AIF1L: variants seen among roughly 807,000 people sequenced by gnomAD.
AIF1L encodes the protein allograft inflammatory factor 1-like.
AIF1L carries 12 observed loss-of-function variants against 20.7 expected under a neutral mutation model. The observed-to-expected ratio is 0.58, with a 90% CI of 0.37 to 0.94. AIF1L has a LOEUF of 0.94. Among genes scored for constraint, AIF1L ranks in the 40% least tolerant of loss-of-function variants. AIF1L has a pLI of 0.01. For synonymous variants in AIF1L, 76 were observed against 65.1 expected, an observed-to-expected ratio of 1.17 and a Z score of -0.81; for missense variants, 173 against 185.3, an observed-to-expected ratio of 0.93 and a Z score of 0.39.
Position 131,114,569 on chromosome 9 carries a change from A to G in AIF1L, c.161-8A>G. ...AACTAATGCTAGTTTTTGCTCTGTGATTTCCAGAGAAGTACATGGAGTTTG... is the reference window on the plus strand; with the variant it reads ...AACTAATGCTAGTTTTTGCTCTGTGGTTTCCAGAGAAGTACATGGAGTTTG... On this transcript the variant is annotated splice_region_variant and splice_polypyrimidine_tract_variant and intron_variant, in intron 3 of 5. Transcript: ENST00000247291. The G allele has an allele frequency of 6.2e-7, 1 of 1,614,008 alleles. No homozygotes were observed. Among genetic ancestry groups the G allele is most frequent in the Non-Finnish European group, 8.5e-7 (1 of 1,179,874 alleles).
chr9:131,109,826 G>A (rs1830836285), intron 2 of AIF1L, among the ~76,000 whole-genome samples: 2 of 152,190 alleles, frequency 1.3e-5, no homozygotes. Flanking sequence ...GAATGTAGGG[G>A]CTAAGGATGC....
chr9:131,096,707 C>G (rs1356127693), intron 1 of AIF1L, 47 bp downstream of exon 1: 1 of 1,447,670 alleles, frequency 6.9e-7, no homozygotes, highest in African/African-American at 1.5e-5. Flanking sequence ...GCCGGGCGGA[C>G]CGCGGGGTCC....
At chr9:131,108,362 G>T (rs768956175) in intron 2 of AIF1L, among the ~76,000 whole-genome samples, 5 of 152,006 alleles carry the variant, frequency 3.3e-5, no homozygotes, top group Admixed American at 6.6e-5. Context: ...CCCATGCCCG[G>T]CTAATTTTTG....
At chr9:131,111,349 G>A (rs1184297687) in intron 2 of AIF1L, 3 of 441,814 alleles carry the variant, frequency 6.8e-6, no homozygotes, top group African/African-American at 6.0e-5. Context: ...CTGCTGGCTG[G>A]AGGGCTTAGT....
At position 131,111,674 on chromosome 9, in the gene AIF1L, G is replaced by C; in HGVS notation, c.160+11G>C. 1 of 1,613,322 alleles carries C rather than the reference G, an allele frequency of 6.2e-7. No individual in the cohort carries two copies. The highest frequency in any genetic ancestry group is 8.5e-7 in the Non-Finnish European group (1 of 1,179,518). On this transcript the variant is annotated intron_variant, in intron 3 of 5. Coordinates refer to ENST00000247291, the MANE Select transcript of AIF1L (RefSeq NM_031426.4). ...TCACAGCCTTCAAAGGTAAGCTGGGGCGGGCTGCCCTGCATTTATTCCTGG... is the reference window on the plus strand; with the variant it reads ...TCACAGCCTTCAAAGGTAAGCTGGGCCGGGCTGCCCTGCATTTATTCCTGG...
chr9:131,110,505 CTTTTTTTTT>C (rs199767868), intron 2 of AIF1L, among the ~76,000 whole-genome samples: 2 of 138,444 alleles, frequency 1.4e-5, no homozygotes, highest in East Asian at 4.2e-4. Context: ...TTTTTCTTTT[CTTTTTTTTT>C]TTTTTTTAAG....
intron 5 of AIF1L, among the ~76,000 whole-genome samples, 178 bp downstream of exon 5, chr9:131,118,096 GT>G (rs1024276496): frequency 4.0e-5 from 6 of 151,036 alleles, no homozygotes; most frequent in South Asian, 2.1e-4. Context: ...TTGTTTGTTT[GT>G]TTTTTTTTCT....
At chr9:131,105,614 G>C (rs1004393332) in intron 2 of AIF1L, among the ~76,000 whole-genome samples, 1 of 152,062 alleles carries the variant, frequency 6.6e-6, no homozygotes, top group Non-Finnish European at 1.5e-5. Flanking sequence ...CAAAGTGCTG[G>C]GATTACAGGC....
intron 2 of AIF1L, among the ~76,000 whole-genome samples, chr9:131,097,435 T>TGGGC (rs1397461863): frequency 6.6e-6 from 1 of 151,588 alleles, no homozygotes; most frequent in East Asian, 2.0e-4. Flanking sequence ...AAGACTCTGA[T>TGGGC]GGGCGTAGAG....
chr9:131,107,049 C>A (rs1218475572), intron 2 of AIF1L, among the ~76,000 whole-genome samples: 1 of 152,076 alleles, frequency 6.6e-6, no homozygotes, highest in Non-Finnish European at 1.5e-5. Flanking sequence ...GCTGAGATCG[C>A]GCCACTGCAC....
intron 2 of AIF1L, among the ~76,000 whole-genome samples, chr9:131,102,439 G>A (rs1183042520): frequency 6.6e-6 from 1 of 152,182 alleles, no homozygotes; most frequent in African/African-American, 2.4e-5. Flanking sequence ...TGGCATTGCT[G>A]GGCACCCACC....
Position 131,120,584 on chromosome 9 carries a change from A to C in AIF1L, c.*262A>C. 2.5e-6 allele frequency: 1 copy of C among 406,256 alleles called. No homozygotes were observed. Among genetic ancestry groups the C allele is most frequent in the Non-Finnish European group, 4.4e-6 (1 of 228,716 alleles). 25.2% of individuals were successfully genotyped at this position (406,256 alleles called of 1,614,324 possible). A position where few individuals can be genotyped will look rare whatever the true frequency, so the allele number is the denominator to read the frequency against. On this transcript the variant is annotated 3_prime_UTR_variant, in exon 6 of 6. Transcript: ENST00000247291. ...GCAGAAGGGCTGACATCAAACCAAA[A>C]ACTAGAGGGGGCAGGGCCAGGGCAG...
chr9:131,114,670 G>A (rs533042982), intron 4 of AIF1L, 52 bp downstream of exon 4: 2 of 1,607,008 alleles, frequency 1.2e-6, no homozygotes, highest in South Asian at 2.2e-5. Flanking sequence ...GTGGGTAGAG[G>A]GCTTGAGGGA....
In AIF1L at chr9:131,121,122, A is replaced by G. The variant is rs1372871592; in HGVS notation, c.*800A>G. On this transcript the variant is annotated 3_prime_UTR_variant, in exon 6 of 6. Coordinates refer to ENST00000247291, the MANE Select transcript of AIF1L (RefSeq NM_031426.4). Reference sequence around the variant, plus strand: ...GTTCCACCTTTTAGGGAGGTTACTGAGGGGACCAGGATGGGAGAATGAGGA... The same window carrying G: ...GTTCCACCTTTTAGGGAGGTTACTGGGGGGACCAGGATGGGAGAATGAGGA... 5.6e-6 allele frequency: 4 copies of G among 714,192 alleles called. No individual in the cohort carries two copies. Among genetic ancestry groups the G allele is most frequent in the Non-Finnish European group, 1.0e-5 (4 of 383,592 alleles). The allele number at this position is 714,192 out of a possible 1,614,324, so 44.2% of individuals were successfully genotyped here.
chr9:131,098,847 C>T (rs1830580891), intron 2 of AIF1L, among the ~76,000 whole-genome samples: 1 of 152,166 alleles, frequency 6.6e-6, no homozygotes, highest in Non-Finnish European at 1.5e-5. Context: ...AGCTTGCAGC[C>T]CAGCGTCCTT....
Position 131,121,085 on chromosome 9 carries a change from CAGCTCAGTGCTGTT to C in AIF1L, c.*764_*777del. ...AGGCCTGGGGTTTTGGGGGAAAGGT[CAGCTCAGTGCTGTT>C]CCACCTTTTAGGGAGGTTACTGAGG... On this transcript the variant is annotated 3_prime_UTR_variant, in exon 6 of 6. Transcript: ENST00000247291. 1 of 713,212 alleles carries C rather than the reference CAGCTCAGTGCTGTT, an allele frequency of 1.4e-6. No individual in the cohort carries two copies. The highest frequency in any genetic ancestry group is 1.5e-5 in the South Asian group (1 of 66,346). 44.2% of individuals were successfully genotyped at this position (713,212 alleles called of 1,614,324 possible).
At chr9:131,111,729 C>T (rs1830892591) in intron 3 of AIF1L, 66 bp downstream of exon 3, 1 of 1,461,168 alleles carries the variant, frequency 6.8e-7, no homozygotes, top group Non-Finnish European at 9.6e-7. Flanking sequence ...CATCCTTGCA[C>T]ACAGGACCCC....
Position 131,111,657 on chromosome 9 carries a change from T to C in AIF1L, c.154T>C (p.Phe52Leu), listed in dbSNP as rs570311703. ...EENLPEKLTA[F>L]KEKYMEFDLN... The stretch of plus-strand genomic sequence containing the variant: ...GAACCTTCCAGAAAAGCTCACAGCC[T>C]TCAAAGGTAAGCTGGGGCGGGCTGC... Residue 52 changes from phenylalanine to leucine, a missense_variant, in exon 3 of 6, where the codon TTC becomes CTC. Coordinates refer to ENST00000247291, the MANE Select transcript of AIF1L (RefSeq NM_031426.4). 8.7e-6 allele frequency: 14 copies of C among 1,613,988 alleles called. No individual in the cohort carries two copies. Among genetic ancestry groups the C allele is most frequent in the South Asian group, 1.1e-5 (1 of 91,082 alleles).
At chr9:131,101,249 A>G (rs905691193) in intron 2 of AIF1L, among the ~76,000 whole-genome samples, 4 of 152,186 alleles carry the variant, frequency 2.6e-5, no homozygotes, top group Non-Finnish European at 5.9e-5. Flanking sequence ...CCATGCCCAC[A>G]GATTGACATT....
Sources: allele counts gnomAD v4.1 joint callset (sites outside exome capture counted in the v4.1 genomes callset), GRCh38; gene constraint gnomAD v4.1.1; transcripts MANE v1.5; gene names NCBI Gene and HGNC (gene_info 2026-07-23, HGNC 2026-07-21).